The following CCBE1 variants were observed in gnomAD, a reference collection of about 807,000 sequenced individuals.
The protein encoded by CCBE1 is collagen and calcium-binding EGF domain-containing protein 1.
Under a neutral mutation model 50.0 loss-of-function variants are expected in CCBE1, and 37 were observed. That is an observed-to-expected ratio of 0.74 (90% CI 0.57 to 0.97). The LOEUF (loss-of-function observed/expected upper bound fraction) is 0.97, where lower values mean the gene tolerates loss of function less well. Ranked by LOEUF, CCBE1 falls within the 50% of genes least tolerant of loss-of-function variation. The probability of loss-of-function intolerance (pLI) is 0.00; values close to 1 mark genes in which losing one functional copy is unlikely to be tolerated. For missense variants in CCBE1, 538 were observed against 523.8 expected (o/e 1.03, Z -0.26); for synonymous variants, 234 against 203.7 (o/e 1.15, Z -1.27).
At chr18:59,503,754 C>T (rs1005609616) in intron 2 of CCBE1, among the ~76,000 whole-genome samples, 3 of 152,132 alleles carry the variant, frequency 2.0e-5, no homozygotes. Flanking sequence ...AAGTCAAGTT[C>T]AAATTCTTTT....
chr18:59,519,755 G>A (rs1412533959), intron 2 of CCBE1, among the ~76,000 whole-genome samples: 1 of 152,198 alleles, frequency 6.6e-6, no homozygotes, highest in African/African-American at 2.4e-5. Context: ...CCATGCCTAT[G>A]TTCTGAATGG....
intron 2 of CCBE1, among the ~76,000 whole-genome samples, chr18:59,530,745 AAAC>A (rs1435672894): frequency 1.3e-5 from 2 of 152,240 alleles, no homozygotes; most frequent in African/African-American, 4.8e-5. Flanking sequence ...ATAAAGGAAC[AAAC>A]AACAAAAACA....
Position 59,509,750 on chromosome 18 carries a change from T to C in CCBE1, c.213-29512A>G, listed in dbSNP as rs146382804. 1.1e-3 allele frequency among the ~76,000 whole-genome samples: 172 copies of C among 152,328 alleles called. 1 individual carries two copies. Among genetic ancestry groups the C allele is most frequent in the African/African-American group, 4.0e-3 (167 of 41,574 alleles). ...CAACTATTTCATGTGCGCCCTGCAC[T>C]GACCTTGAAATCCAGAGGGCTTCTT... On this transcript the variant is annotated intron_variant, in intron 2 of 10. Transcript: ENST00000439986.
chr18:59,473,215 A>C (rs1046239350), intron 3 of CCBE1, among the ~76,000 whole-genome samples: 2 of 152,284 alleles, frequency 1.3e-5, no homozygotes, highest in Admixed American at 1.3e-4. Context: ...TACTTTATCA[A>C]CCCTTATGAT....
intron 2 of CCBE1, among the ~76,000 whole-genome samples, chr18:59,626,609 T>C (rs2053788612): frequency 6.6e-6 from 1 of 152,232 alleles, no homozygotes; most frequent in Non-Finnish European, 1.5e-5. Context: ...ATTAGCATCA[T>C]CCTTATTTTA....
At chr18:59,467,188 C>A (rs1370836140) in intron 4 of CCBE1, among the ~76,000 whole-genome samples, 19 of 152,198 alleles carry the variant, frequency 1.2e-4, no homozygotes, top group Non-Finnish European at 5.9e-5. Flanking sequence ...ACTTACAGAA[C>A]AATAACAATG....
At chr18:59,589,398 A>G (rs11875504) in intron 2 of CCBE1, among the ~76,000 whole-genome samples, 2,273 of 152,324 alleles carry the variant, frequency 0.015, 62 homozygotes, top group African/African-American at 0.052. Context: ...AGTAAGTCCA[A>G]TATCACTGAT....
chr18:59,489,093 G>C (rs1420230127), intron 2 of CCBE1, among the ~76,000 whole-genome samples: 2 of 152,258 alleles, frequency 1.3e-5, no homozygotes, highest in African/African-American at 4.8e-5. Flanking sequence ...AAAAAGAGAA[G>C]TGAAACCTCT....
At chr18:59,697,597 G>T (rs2054830812), upstream of CCBE1, 2 of 495,166 alleles carry the variant, frequency 4.0e-6, no homozygotes, top group Non-Finnish European at 7.2e-6. Flanking sequence ...CGGCTGGCGC[G>T]AGGGCCCTGA....
At chr18:59,651,894 G>A (rs1365626169) in intron 2 of CCBE1, among the ~76,000 whole-genome samples, 2 of 152,190 alleles carry the variant, frequency 1.3e-5, no homozygotes, top group African/African-American at 2.4e-5. Flanking sequence ...AGTGTATTCA[G>A]GGTGTCCATT....
chr18:59,573,685 TTA>T (rs2052951201), intron 2 of CCBE1, among the ~76,000 whole-genome samples: 1 of 152,060 alleles, frequency 6.6e-6, no homozygotes, highest in Non-Finnish European at 1.5e-5. Context: ...CTTACAAGAA[TTA>T]TCTTAAATCC....
chr18:59,569,225 TAAG>T (rs1186383546), intron 2 of CCBE1, among the ~76,000 whole-genome samples: 6 of 152,206 alleles, frequency 3.9e-5, no homozygotes, highest in African/African-American at 1.2e-4. Context: ...TGTGGTTCAT[TAAG>T]AAGGTATTAA....
chr18:59,513,167 G>T (rs1213119392), intron 2 of CCBE1, among the ~76,000 whole-genome samples: 1 of 152,174 alleles, frequency 6.6e-6, no homozygotes, highest in African/African-American at 2.4e-5. Flanking sequence ...AATTAGCTGG[G>T]TGTGGTGGCA....
intron 2 of CCBE1, among the ~76,000 whole-genome samples, chr18:59,561,164 T>G (rs906334054): frequency 6.6e-6 from 1 of 152,244 alleles, no homozygotes; most frequent in African/African-American, 2.4e-5. Context: ...GTAACTCCTA[T>G]GGTAATCTGC....
chr18:59,445,162 T>G (rs1162233452), intron 7 of CCBE1, among the ~76,000 whole-genome samples: 3 of 152,190 alleles, frequency 2.0e-5, no homozygotes, highest in African/African-American at 7.2e-5. Context: ...AGGATTTTCA[T>G]AGTTTTGGGG....
intron 3 of CCBE1, among the ~76,000 whole-genome samples, chr18:59,472,847 C>T (rs1363928439): frequency 6.6e-6 from 1 of 152,226 alleles, no homozygotes; most frequent in Admixed American, 6.5e-5. Context: ...GGAGGCCTTA[C>T]AATCATGGAA....
At chr18:59,537,556 G>T (rs186167612) in intron 2 of CCBE1, among the ~76,000 whole-genome samples, 1 of 152,266 alleles carries the variant, frequency 6.6e-6, no homozygotes, top group East Asian at 1.9e-4. Flanking sequence ...CACCATGATT[G>T]TGAGGCCTCT....
chr18:59,516,286 C>T (rs1054960051), intron 2 of CCBE1, among the ~76,000 whole-genome samples: 1 of 151,578 alleles, frequency 6.6e-6, no homozygotes, highest in Non-Finnish European at 1.5e-5. Flanking sequence ...TGTCCTTATA[C>T]ATAGATACCA....
At chr18:59,608,505 T>G (rs976264722) in intron 2 of CCBE1, among the ~76,000 whole-genome samples, 2 of 152,170 alleles carry the variant, frequency 1.3e-5, no homozygotes, top group Non-Finnish European at 2.9e-5. Flanking sequence ...TTGAGAGATG[T>G]GTTTTAGAGA....
Sources: gnomAD v4.1 joint callset for allele counts (sites outside exome capture counted in the v4.1 genomes callset) on GRCh38, gnomAD v4.1.1 for gene constraint, MANE v1.5 for transcripts, NCBI Gene and HGNC (gene_info 2026-07-23, HGNC 2026-07-21) for gene names.